Variants in GREB1 observed in about 807,000 individuals in gnomAD.
GREB1 encodes the protein growth regulating estrogen receptor binding 1, also known as protein GREB1.
Under a neutral mutation model 200.7 loss-of-function variants are expected in GREB1, and 106 were observed. The ratio of observed to expected loss-of-function variants is 0.53; its 90% CI spans 0.45 to 0.62. The LOEUF is 0.62. Ranked by LOEUF, GREB1 falls within the 20% of genes least tolerant of loss-of-function variation. GREB1 has a pLI of 0.00. For synonymous variants in GREB1, 1,132 were observed against 1,092.4 expected (o/e 1.04, Z -0.72); for missense variants, 2,243 against 2,556.8 (o/e 0.88, Z 2.65).
Position 11,585,065 on chromosome 2 carries a change from C to A in GREB1, c.902-96C>A, listed in dbSNP as rs376645827. The A allele has an allele frequency of 2.7e-3, 1,532 of 566,750 alleles. 19 individuals carry two copies. The highest frequency in any genetic ancestry group is 0.022 in the African/African-American group (1,124 of 50,186). 35.1% of individuals were successfully genotyped at this position (566,750 alleles called of 1,614,324 possible). ...GAATCTGTGATTAGAAAAAAAAAAA[C>A]AAAACAAAACAGATCATTGTTCTCC... On this transcript the variant is annotated intron_variant, in intron 7 of 32. Transcript: ENST00000381486.
intron 3 of GREB1, among the ~76,000 whole-genome samples, chr2:11,563,924 G>T (rs916023884): frequency 6.6e-6 from 1 of 152,154 alleles, no homozygotes; most frequent in Admixed American, 6.5e-5. Context: ...GAGCAAGCAG[G>T]GGTGCATGGA....
In GREB1 at chr2:11,561,679, TTCCCAGG is replaced by T. The variant is rs1322867617; in HGVS notation, c.158-782_158-776del. On this transcript the variant is annotated intron_variant, in intron 2 of 32. Transcript: ENST00000381486. ...CGTGCCTGGCCTACAGCACCTGGTA[TTCCCAGG>T]TGGTCTCCCATCCAAGTGTTAACCA... The T allele has an allele frequency of 5.9e-5, 9 of 152,338 alleles. No homozygotes were observed. In the Middle Eastern group the frequency reaches 0.014, roughly 230 times the overall value. The allele number at this position is 152,338 out of a possible 1,614,324, so 9.4% of individuals were successfully genotyped here. A position where few individuals can be genotyped will look rare whatever the true frequency, so the allele number is the denominator to read the frequency against.
At chr2:11,589,423 G>C (rs1054090923) in intron 10 of GREB1, among the ~76,000 whole-genome samples, 2 of 152,252 alleles carry the variant, frequency 1.3e-5, no homozygotes, top group East Asian at 3.9e-4. Flanking sequence ...AGAGAGGGAG[G>C]CCAGGTGAGT....
rs371426409 is a variant in GREB1 at position 11,556,690 on chromosome 2, C to T, written c.76C>T (p.Leu26=). Residue 26 remains leucine (L), a synonymous_variant, in exon 2 of 33, where the codon CTG becomes TTG. Transcript: ENST00000381486. ...EVLHNSIEAS[L]RSNNLVPRPI... ...CTTGCACAATTCCATCGAGGCATCC[C>T]TGCGGTCCAACAACCTGGTGCCCAG... The T allele has an allele frequency of 6.2e-7, 1 of 1,613,868 alleles. No homozygotes were observed. Among genetic ancestry groups the T allele is most frequent in the Non-Finnish European group, 8.5e-7 (1 of 1,179,862 alleles).
chr2:11,565,957 G>A (rs1422308443), intron 3 of GREB1, among the ~76,000 whole-genome samples: 2 of 152,044 alleles, frequency 1.3e-5, no homozygotes, highest in African/African-American at 4.8e-5. Flanking sequence ...GCACATTAAT[G>A]TGCATCACAT....
intron 18 of GREB1, 162 bp from the exon 19 acceptor site, chr2:11,612,333 A>G (rs1683010424): frequency 7.3e-7 from 1 of 1,372,458 alleles, no homozygotes; most frequent in Non-Finnish European, 9.5e-7. Flanking sequence ...ACGGTGGCCA[A>G]GTGGATGGTG....
chr2:11,577,300 A>G (rs1165865301), intron 5 of GREB1, among the ~76,000 whole-genome samples: 2 of 152,164 alleles, frequency 1.3e-5, no homozygotes, highest in East Asian at 3.9e-4. Context: ...TGCAGTGCAC[A>G]GGACGGCCCC....
chr2:11,545,926 C>G (rs924370380), intron 1 of GREB1, among the ~76,000 whole-genome samples: 1 of 152,140 alleles, frequency 6.6e-6, no homozygotes, highest in African/African-American at 2.4e-5. Flanking sequence ...GCCCGTAATC[C>G]CAGCACTTTG....
chr2:11,622,095 T>C (rs1462619155), intron 23 of GREB1, among the ~76,000 whole-genome samples: 1 of 152,240 alleles, frequency 6.6e-6, no homozygotes, highest in Non-Finnish European at 1.5e-5. Flanking sequence ...AAGACTGTTT[T>C]TTTTAGACAA....
chr2:11,495,413 AT>A (rs1256813337), intron 1 of GREB1, among the ~76,000 whole-genome samples: 1 of 152,126 alleles, frequency 6.6e-6, no homozygotes, highest in African/African-American at 2.4e-5. Context: ...TTCATTCGGT[AT>A]TTTTTTCATA....
intron 15 of GREB1, among the ~76,000 whole-genome samples, chr2:11,599,813 C>T (rs1049186062): frequency 6.6e-6 from 1 of 152,226 alleles, no homozygotes; most frequent in Non-Finnish European, 1.5e-5. Flanking sequence ...AGCCACCGCA[C>T]CCGGCTGATG....
chr2:11,524,777 T>C (rs1278293598), intron 1 of GREB1, among the ~76,000 whole-genome samples: 1 of 152,194 alleles, frequency 6.6e-6, no homozygotes, highest in Non-Finnish European at 1.5e-5. Flanking sequence ...ACTTCCTGGC[T>C]AGCAGAACTC....
chr2:11,616,558 A>G, intron 20 of GREB1, 73 bp from the exon 21 acceptor site: 1 of 913,942 alleles, frequency 1.1e-6, no homozygotes, highest in Non-Finnish European at 1.8e-6. Flanking sequence ...CACACTTTAC[A>G]CACTGTGAAG....
chr2:11,615,050 T>G, intron 19 of GREB1, 41 bp from the exon 20 acceptor site: 1 of 1,478,406 alleles, frequency 6.8e-7, no homozygotes, highest in Non-Finnish European at 9.5e-7. Context: ...ACTCCACTTG[T>G]GGAAGGCACT....
At chr2:11,549,205 CCTT>C (rs765637106) in intron 1 of GREB1, among the ~76,000 whole-genome samples, 21 of 152,128 alleles carry the variant, frequency 1.4e-4, no homozygotes, top group Non-Finnish European at 2.4e-4. Context: ...TTCTAGAACT[CCTT>C]CTGGGCCTCA....
intron 4 of GREB1, 97 bp from the exon 5 acceptor site, chr2:11,576,256 G>C (rs975090776): frequency 1.0e-6 from 1 of 972,772 alleles, no homozygotes; most frequent in Non-Finnish European, 1.6e-6. Context: ...GCAGCGAGCC[G>C]AGATCGCACC....
intron 24 of GREB1, among the ~76,000 whole-genome samples, chr2:11,625,763 T>C (rs957400884): frequency 4.6e-5 from 7 of 152,104 alleles, no homozygotes; most frequent in African/African-American, 1.7e-4. Context: ...ACTAGAAAAA[T>C]TTGGTAAATG....
chr2:11,576,321 G>T, intron 4 of GREB1, 32 bp from the exon 5 acceptor site: 6 of 1,478,096 alleles, frequency 4.1e-6, no homozygotes, highest in African/African-American at 1.4e-5. Flanking sequence ...AAAAAAAAAA[G>T]AAAGATGTTT....
chr2:11,529,461 A>T (rs989768728), upstream of GREB1, among the ~76,000 whole-genome samples: 1 of 152,194 alleles, frequency 6.6e-6, no homozygotes, highest in Non-Finnish European at 1.5e-5. Context: ...ACAAGCATGG[A>T]TGAGGTTGTG....
Sources: allele counts gnomAD v4.1 joint callset (sites outside exome capture counted in the v4.1 genomes callset), GRCh38; gene constraint gnomAD v4.1.1; transcripts MANE v1.5; gene names NCBI Gene and HGNC (gene_info 2026-07-23, HGNC 2026-07-21).